The following DGKG variants were observed in gnomAD, a reference collection of about 807,000 sequenced individuals.
The protein encoded by DGKG is DAG kinase gamma.
A neutral mutation model predicts 105.3 loss-of-function variants in DGKG; 78 were observed. The ratio of observed to expected loss-of-function variants is 0.74; its 90% CI spans 0.62 to 0.89. The LOEUF is 0.89. Among genes scored for constraint, DGKG ranks in the 40% least tolerant of loss-of-function variants. DGKG has a pLI of 0.00. For synonymous variants in DGKG, 346 were observed against 367.1 expected (o/e 0.94, Z 0.66); for missense variants, 958 against 1,020.1 (o/e 0.94, Z 0.83).
intron 17 of DGKG, among the ~76,000 whole-genome samples, chr3:186,257,100 C>CCAGGGCTCATCGCT (rs1378435714): frequency 6.6e-6 from 1 of 152,180 alleles, no homozygotes; most frequent in Non-Finnish European, 1.5e-5. Flanking sequence ...AATGGAAAGC[C>CCAGGGCTCATCGCT]CAGGGCTCAT....
chr3:186,170,651 A>G (rs1203316952), intron 22 of DGKG, among the ~76,000 whole-genome samples: 1 of 152,238 alleles, frequency 6.6e-6, no homozygotes, highest in African/African-American at 2.4e-5. Context: ...TGGGGTTATG[A>G]GATTTAAATG....
rs778405672 is a variant in DGKG, at chr3:186,279,867, A to G, written c.776T>C (p.Leu259Pro). 9.3e-6 allele frequency: 15 copies of G among 1,613,918 alleles called. No homozygotes were observed. The Middle Eastern group carries it at 5.0e-4, about 53-fold the overall frequency. ...GMTTIPLLVL[L>P]GMDDSGSKGD... ...TTGACTTACAGAGTCATCCATCCCC[A>G]GGAGGACCAGCAATGGGATGGTGGT... Residue 259 changes from leucine to proline, a missense_variant, in exon 9 of 25, where the codon CTG becomes CCG. This residue lies in a region of DGKG where 643 missense variants were observed against 619.5 expected (regional missense o/e 1.04). Transcript: ENST00000265022.
At chr3:186,157,498 A>G (rs1008160587) in intron 24 of DGKG, among the ~76,000 whole-genome samples, 1 of 152,142 alleles carries the variant, frequency 6.6e-6, no homozygotes, top group Non-Finnish European at 1.5e-5. Flanking sequence ...GTAGCCTTCC[A>G]TCTTTGTCTG....
chr3:186,156,100 C>T (rs560883129), intron 24 of DGKG, among the ~76,000 whole-genome samples: 29 of 151,940 alleles, frequency 1.9e-4, no homozygotes, highest in Middle Eastern at 6.8e-3. Context: ...CTTAGTCTTT[C>T]GAAGATTCTA....
intron 6 of DGKG, among the ~76,000 whole-genome samples, chr3:186,287,986 A>G (rs1453395095): frequency 6.6e-6 from 1 of 152,228 alleles, no homozygotes; most frequent in Non-Finnish European, 1.5e-5. Flanking sequence ...TTTTTTTAGA[A>G]GTATGTCTGT....
At chr3:186,358,515 T>C (rs1727085122) in intron 1 of DGKG, among the ~76,000 whole-genome samples, 1 of 152,166 alleles carries the variant, frequency 6.6e-6, no homozygotes, top group Non-Finnish European at 1.5e-5. Flanking sequence ...TTTGTGTGTG[T>C]GTGTGTGTGT....
chr3:186,266,897 T>G (rs1460437041), intron 13 of DGKG, among the ~76,000 whole-genome samples: 1 of 152,134 alleles, frequency 6.6e-6, no homozygotes, highest in Non-Finnish European at 1.5e-5. Context: ...GTGGCTGGCC[T>G]TTTTCTCAGG....
chr3:186,361,734 G>C lies in DGKG; in HGVS notation c.-249+212C>G, dbSNP rs924890863. 2.0e-5 allele frequency among the ~76,000 whole-genome samples: 3 copies of C among 152,200 alleles called. No individual in the cohort carries two copies. Among genetic ancestry groups the C allele is most frequent in the Non-Finnish European group, 2.9e-5 (2 of 68,030 alleles). ...CGCAGAGAGAGCCGAGCCCCACCCT[G>C]TGCGTTCCCCAAGCCTGCACCCCTC... On this transcript the variant is annotated intron_variant, in intron 1 of 24. Transcript: ENST00000265022. The surrounding 1 kb of genome is among the most constrained non-coding windows in gnomAD (Gnocchi z 6.8).
At chr3:186,151,219 G>A (rs774812249) in intron 24 of DGKG, among the ~76,000 whole-genome samples, 2 of 152,226 alleles carry the variant, frequency 1.3e-5, no homozygotes, top group Admixed American at 1.3e-4. Flanking sequence ...AAAATGGAAA[G>A]TAACAGTTAG....
intron 1 of DGKG, among the ~76,000 whole-genome samples, chr3:186,325,035 A>T (rs755207326): frequency 6.6e-6 from 1 of 152,274 alleles, no homozygotes; most frequent in African/African-American, 2.4e-5. Context: ...GCCGTAAAAA[A>T]GAATGAAATC....
chr3:186,255,324 G>A (rs1861875), intron 17 of DGKG, among the ~76,000 whole-genome samples: 98,710 of 152,196 alleles, frequency 0.65, 35,492 homozygotes, highest in East Asian at 0.91. Flanking sequence ...GGGACAGACA[G>A]ATAATAATGA....
At position 186,231,818 on chromosome 3, in the gene DGKG, G is replaced by A. The variant is rs1006516578; in HGVS notation, c.1826+10686C>T. ...CACCTGTAATCCCAGCTAATCAGGA[G>A]GCTGAGGCAGGAGAATTGCTTGAAC... is the stretch of plus-strand genomic sequence containing the variant. On this transcript the variant is annotated intron_variant, in intron 20 of 24. Coordinates refer to ENST00000265022, the MANE Select transcript of DGKG (RefSeq NM_001346.3). The surrounding 1 kb of genome is among the most constrained non-coding windows in gnomAD (Gnocchi z 4.5). 2.0e-5 allele frequency among the ~76,000 whole-genome samples: 3 copies of A among 152,160 alleles called. No homozygotes were observed. Among genetic ancestry groups the A allele is most frequent in the African/African-American group, 7.2e-5 (3 of 41,430 alleles).
chr3:186,198,963 T>C (rs1718313178), intron 21 of DGKG, among the ~76,000 whole-genome samples: 1 of 152,214 alleles, frequency 6.6e-6, no homozygotes, highest in Admixed American at 6.5e-5. Flanking sequence ...ATTTTTTTTT[T>C]TAAGACGGAG....
intron 21 of DGKG, among the ~76,000 whole-genome samples, chr3:186,205,491 C>T (rs908235766): frequency 1.3e-5 from 2 of 152,024 alleles, no homozygotes; most frequent in Non-Finnish European, 2.9e-5. Flanking sequence ...GGGTGGGTCA[C>T]CTGAGGTTAG....
At chr3:186,194,184 A>C (rs577606879) in intron 21 of DGKG, among the ~76,000 whole-genome samples, 16 of 152,384 alleles carry the variant, frequency 1.0e-4, no homozygotes, top group African/African-American at 3.8e-4. Context: ...GGTGGAAGGC[A>C]GGTGCACAGG....
At chr3:186,299,767 CTCTTTCTTTCTTTCTTTCTT>C (rs56331660) in intron 3 of DGKG, among the ~76,000 whole-genome samples, 65 of 95,550 alleles carry the variant, frequency 6.8e-4, no homozygotes, top group East Asian at 4.9e-3. Flanking sequence ...TTCTTCTTTT[CTCTTTCTTTCTTTCTTTCTT>C]TCTTTCTTTC....
At chr3:186,275,465 C>G in intron 10 of DGKG, 82 bp downstream of exon 10, 1 of 1,225,568 alleles carries the variant, frequency 8.2e-7, no homozygotes, top group Non-Finnish European at 1.2e-6. Context: ...GAAATACCAA[C>G]ATTTTCTCTG....
At chr3:186,167,617 G>A (rs1359925649) in intron 22 of DGKG, among the ~76,000 whole-genome samples, 1 of 152,164 alleles carries the variant, frequency 6.6e-6, no homozygotes, top group Non-Finnish European at 1.5e-5. Flanking sequence ...GAGACATCTG[G>A]TATACCAGGT....
rs74929618 is a variant in DGKG, at chr3:186,346,071, T to A, written c.-249+15875A>T. 9.2e-3 allele frequency among the ~76,000 whole-genome samples: 1,405 copies of A among 152,336 alleles called. 31 individuals are homozygous for A. The highest frequency in any genetic ancestry group is 0.032 in the African/African-American group (1,327 of 41,586). On this transcript the variant is annotated intron_variant, in intron 1 of 24. Transcript: ENST00000265022. The stretch of plus-strand genomic sequence containing the variant: ...CTGAGCCACTGCCCCTCACCTTGTA[T>A]ACAGTTTTAAAACTTGATGTACAAA...
Sources: allele counts gnomAD v4.1 joint callset (sites outside exome capture counted in the v4.1 genomes callset), GRCh38; gene constraint gnomAD v4.1.1; regional missense constraint gnomAD v4.1.1; non-coding constraint Gnocchi (gnomAD v3.1); transcripts MANE v1.5; gene names NCBI Gene and HGNC (gene_info 2026-07-23, HGNC 2026-07-21).